Variants in ITPR2 observed in about 807,000 individuals in gnomAD.
The protein encoded by ITPR2 is inositol 1,4,5-trisphosphate receptor type 2.
A neutral mutation model predicts 317.1 loss-of-function variants in ITPR2; 207 were observed. That is an observed-to-expected ratio of 0.65 (90% CI 0.58 to 0.73). The LOEUF (loss-of-function observed/expected upper bound fraction) is 0.73. Ranked by LOEUF, ITPR2 falls within the 30% of genes least tolerant of loss-of-function variation. The pLI, the probability that ITPR2 is intolerant of heterozygous loss-of-function variation, is 0.00. For missense variants in ITPR2, 2,613 were observed against 3,284.0 expected (o/e 0.80, Z 4.99); for synonymous variants, 1,156 against 1,149.1 (o/e 1.01, Z -0.12).
chr12:26,484,571 G>A (rs1942621305), intron 41 of ITPR2, among the ~76,000 whole-genome samples: 1 of 152,082 alleles, frequency 6.6e-6, no homozygotes, highest in South Asian at 2.1e-4. Context: ...ATGAATAATA[G>A]TACATCCAAA....
At chr12:26,828,760 T>C (rs963478890) in intron 1 of ITPR2, among the ~76,000 whole-genome samples, 7 of 152,182 alleles carry the variant, frequency 4.6e-5, no homozygotes, top group African/African-American at 1.7e-4. Context: ...AATACATCAG[T>C]TTAAATTAGG....
At chr12:26,827,743 T>C (rs1951029802) in intron 1 of ITPR2, among the ~76,000 whole-genome samples, 1 of 152,204 alleles carries the variant, frequency 6.6e-6, no homozygotes, top group African/African-American at 2.4e-5. Context: ...TAAGCTGACT[T>C]TGAAAAAACA....
At chr12:26,802,636 C>T (rs1303651975) in intron 1 of ITPR2, among the ~76,000 whole-genome samples, 1 of 137,712 alleles carries the variant, frequency 7.3e-6, no homozygotes, top group Non-Finnish European at 1.5e-5. Flanking sequence ...TATAGATATA[C>T]AGATAGATAT....
rs766696869 is a variant in ITPR2, at chr12:26,665,897, T to C, written c.1551+13A>G. 3 of 1,602,052 alleles carry C rather than the reference T, an allele frequency of 1.9e-6. No homozygotes were observed. Among genetic ancestry groups the C allele is most frequent in the Non-Finnish European group, 2.6e-6 (3 of 1,176,186 alleles). ...AAATAAAATATACAAATTTAGTACA[T>C]GAAAAAATTCACCTGTGCCAGTATG... On this transcript the variant is annotated intron_variant, in intron 14 of 56. Transcript: ENST00000381340.
At chr12:26,411,786 C>T (rs1940558999) in intron 51 of ITPR2, among the ~76,000 whole-genome samples, 2 of 152,148 alleles carry the variant, frequency 1.3e-5, no homozygotes, top group Non-Finnish European at 2.9e-5. Flanking sequence ...GTCCCTGAGC[C>T]CTAAGCCACT....
intron 1 of ITPR2, among the ~76,000 whole-genome samples, chr12:26,803,495 A>C (rs1480708093): frequency 6.6e-6 from 1 of 152,236 alleles, no homozygotes; most frequent in Non-Finnish European, 1.5e-5. Flanking sequence ...AGTATGTAAT[A>C]ATGATATAGC....
chr12:26,712,307 G>A (rs1448100799), intron 8 of ITPR2, among the ~76,000 whole-genome samples: 2 of 151,990 alleles, frequency 1.3e-5, no homozygotes, highest in Non-Finnish European at 2.9e-5. Flanking sequence ...CCACCCTTTG[G>A]CTCCTGCTGC....
At chr12:26,643,677 T>A (rs1947043573) in intron 21 of ITPR2, among the ~76,000 whole-genome samples, 1 of 152,186 alleles carries the variant, frequency 6.6e-6, no homozygotes, top group Admixed American at 6.5e-5. Flanking sequence ...AAAGTAGCAA[T>A]AAACTTGGCT....
intron 55 of ITPR2, among the ~76,000 whole-genome samples, chr12:26,341,756 CTG>C (rs1175972539): frequency 2.6e-5 from 4 of 152,298 alleles, no homozygotes; most frequent in Non-Finnish European, 5.9e-5. Flanking sequence ...TCAGATAAGA[CTG>C]TGTGTCTGCT....
intron 42 of ITPR2, among the ~76,000 whole-genome samples, chr12:26,483,057 T>G (rs1039894904): frequency 1.3e-5 from 2 of 152,188 alleles, no homozygotes; most frequent in African/African-American, 4.8e-5. Flanking sequence ...CCAAGTGTCC[T>G]GCCTTCTACT....
At chr12:26,522,591 C>T (rs1943693252) in intron 37 of ITPR2, among the ~76,000 whole-genome samples, 1 of 152,144 alleles carries the variant, frequency 6.6e-6, no homozygotes, top group Non-Finnish European at 1.5e-5. Flanking sequence ...TCCATTTTCC[C>T]TTTGGTTAAA....
intron 36 of ITPR2, among the ~76,000 whole-genome samples, chr12:26,554,853 G>A (rs1565600136): frequency 1.3e-5 from 2 of 151,986 alleles, no homozygotes; most frequent in Non-Finnish European, 2.9e-5. Context: ...TGTATGTGCA[G>A]TGGTGAAGTC....
chr12:26,762,494 G>A (rs571664517), intron 2 of ITPR2, among the ~76,000 whole-genome samples: 4 of 152,272 alleles, frequency 2.6e-5, no homozygotes, highest in South Asian at 2.1e-4. Flanking sequence ...ATGAGGGAAC[G>A]ATAAGGACTT....
Position 26,711,286 on chromosome 12 carries a change from A to G in ITPR2, c.856-18T>C, listed in dbSNP as rs1349923564. 1 of 1,546,466 alleles carries G rather than the reference A, an allele frequency of 6.5e-7. No homozygotes were observed. The highest frequency in any genetic ancestry group is 1.7e-5 in the Admixed American group (1 of 59,934). On this transcript the variant is annotated intron_variant, in intron 8 of 56. Transcript: ENST00000381340. ...TGAACCACCTACAAAGAGAGCAACG[A>G]TAGTAATGGCAAAACAATATTTATG...
At chr12:26,758,455 C>T (rs1949567462) in intron 2 of ITPR2, among the ~76,000 whole-genome samples, 1 of 152,168 alleles carries the variant, frequency 6.6e-6, no homozygotes, top group South Asian at 2.1e-4. Flanking sequence ...GGGGAGAAAA[C>T]AGGATTCCCC....
intron 40 of ITPR2, 53 bp from the exon 41 acceptor site, chr12:26,486,413 T>A (rs1287887956): frequency 1.8e-4 from 171 of 974,464 alleles, no homozygotes; most frequent in South Asian, 4.5e-4. Context: ...TTTTACTAAT[T>A]AAAAAAAAAA....
chr12:26,621,698 C>T (rs1946500065), intron 25 of ITPR2, among the ~76,000 whole-genome samples: 1 of 152,056 alleles, frequency 6.6e-6, no homozygotes, highest in Non-Finnish European at 1.5e-5. Flanking sequence ...ATTCTTTTAA[C>T]ATATTCCTGT....
At chr12:26,732,029 C>G (rs1255162476) in intron 2 of ITPR2, among the ~76,000 whole-genome samples, 1 of 151,300 alleles carries the variant, frequency 6.6e-6, no homozygotes, top group East Asian at 1.9e-4. Flanking sequence ...ATCCCCCCAC[C>G]TGCCTTGCCT....
intron 2 of ITPR2, among the ~76,000 whole-genome samples, chr12:26,732,976 C>T (rs935208091): frequency 2.0e-5 from 3 of 152,158 alleles, no homozygotes; most frequent in Non-Finnish European, 2.9e-5. Flanking sequence ...TGATTTTAGT[C>T]AATTAAAGAC....
Sources: allele counts gnomAD v4.1 joint callset (sites outside exome capture counted in the v4.1 genomes callset), GRCh38; gene constraint gnomAD v4.1.1; transcripts MANE v1.5; gene names NCBI Gene and HGNC (gene_info 2026-07-23, HGNC 2026-07-21).